The following SORCS2 variants were observed in gnomAD, a reference collection of about 807,000 sequenced individuals.
SORCS2 encodes the protein sortilin related VPS10 domain containing receptor 2, also known as VPS10 domain-containing receptor SorCS2.
In SORCS2, 100 loss-of-function variants were observed where a neutral mutation model predicts 141.6. The ratio of observed to expected loss-of-function variants is 0.71; its 90% CI spans 0.60 to 0.83. The LOEUF (loss-of-function observed/expected upper bound fraction) is 0.83. Ranked by LOEUF, SORCS2 falls within the 40% of genes least tolerant of loss-of-function variation. SORCS2 has a pLI of 0.00. For missense variants in SORCS2, 1,646 were observed against 1,560.2 expected, an observed-to-expected ratio of 1.05 and a Z score of -0.93; for synonymous variants, 789 against 676.9, an observed-to-expected ratio of 1.17 and a Z score of -2.57.
At chr4:7,392,685 C>T (rs977446213) in intron 1 of SORCS2, among the ~76,000 whole-genome samples, 2 of 149,044 alleles carry the variant, frequency 1.3e-5, no homozygotes, top group African/African-American at 2.5e-5. Flanking sequence ...GGTAGTGCAT[C>T]GGAGGAGCCC....
At chr4:7,387,803 T>C (rs55865564) in intron 1 of SORCS2, among the ~76,000 whole-genome samples, 9 of 47,168 alleles carry the variant, frequency 1.9e-4, no homozygotes, top group African/African-American at 8.7e-4. Flanking sequence ...CATGCTCACA[T>C]GCACACACAG....
intron 13 of SORCS2, 39 bp downstream of exon 13, chr4:7,703,410 C>T (rs1370479431): frequency 1.3e-6 from 2 of 1,555,786 alleles, no homozygotes; most frequent in East Asian, 4.6e-5. Flanking sequence ...GGAGGGCAGG[C>T]TGGGGCTCTT....
At chr4:7,520,507 T>C (rs573750362) in intron 2 of SORCS2, among the ~76,000 whole-genome samples, 2 of 152,272 alleles carry the variant, frequency 1.3e-5, no homozygotes, top group Non-Finnish European at 2.9e-5. Flanking sequence ...AGCTTCATTC[T>C]GGAACGATCT....
At chr4:7,561,905 A>T (rs989822563) in intron 3 of SORCS2, among the ~76,000 whole-genome samples, 13 of 151,830 alleles carry the variant, frequency 8.6e-5, no homozygotes, top group African/African-American at 2.7e-4. Flanking sequence ...CCATCAATCT[A>T]CTCATGCATC....
chr4:7,314,350 TA>T (rs1489638230), intron 1 of SORCS2, among the ~76,000 whole-genome samples: 6,355 of 100,862 alleles, frequency 0.063, 536 homozygotes, highest in African/African-American at 0.18. Context: ...TATTTTTTTT[TA>T]TTTTTTGAGA....
chr4:7,439,068 C>T (rs778062992), intron 2 of SORCS2, among the ~76,000 whole-genome samples: 2 of 152,106 alleles, frequency 1.3e-5, no homozygotes, highest in African/African-American at 4.8e-5. Flanking sequence ...AAACCAAGAT[C>T]TGGATATGAA....
chr4:7,737,279 C>G, intron 26 of SORCS2, 107 bp downstream of exon 26: 1 of 1,477,196 alleles, frequency 6.8e-7, no homozygotes, highest in Non-Finnish European at 9.0e-7. Flanking sequence ...CTGGGGCCAG[C>G]AAAACGCTGG....
intron 11 of SORCS2, among the ~76,000 whole-genome samples, chr4:7,693,624 C>A: frequency 6.6e-6 from 1 of 152,254 alleles, no homozygotes; most frequent in South Asian, 2.1e-4. Flanking sequence ...CCAGTGAACA[C>A]TTCTCCATCC....
chr4:7,562,152 A>G (rs981164345), intron 3 of SORCS2, among the ~76,000 whole-genome samples: 2 of 152,204 alleles, frequency 1.3e-5, no homozygotes, highest in East Asian at 1.9e-4. Flanking sequence ...ATTCATTATC[A>G]CTAGCTAGTA....
At chr4:7,502,821 C>T (rs949828160) in intron 2 of SORCS2, among the ~76,000 whole-genome samples, 4 of 152,242 alleles carry the variant, frequency 2.6e-5, no homozygotes, top group Admixed American at 6.5e-5. Context: ...GGCATGCCCA[C>T]TTCCACGCTG....
At chr4:7,608,198 C>G (rs1287066714) in intron 3 of SORCS2, among the ~76,000 whole-genome samples, 1 of 152,160 alleles carries the variant, frequency 6.6e-6, no homozygotes, top group Non-Finnish European at 1.5e-5. Context: ...TTCCTGCCTG[C>G]CATGCTCCCT....
intron 14 of SORCS2, among the ~76,000 whole-genome samples, chr4:7,705,015 C>T (rs1725330507): frequency 2.3e-5 from 1 of 42,598 alleles, no homozygotes; most frequent in African/African-American, 1.2e-4. Context: ...AATAGTGTGT[C>T]CCAAATTCCT....
chr4:7,593,861 C>T (rs761489135), intron 3 of SORCS2, among the ~76,000 whole-genome samples: 13 of 152,200 alleles, frequency 8.5e-5, no homozygotes, highest in South Asian at 2.1e-4. Context: ...CTGCCCCTCT[C>T]GGGAGCCCTG....
chr4:7,228,004 C>T (rs962218737), intron 1 of SORCS2, among the ~76,000 whole-genome samples: 1 of 152,176 alleles, frequency 6.6e-6, no homozygotes, highest in African/African-American at 2.4e-5. Context: ...AGCGGGAGCT[C>T]ATGGGTGGCA....
chr4:7,347,656 G>A (rs1156788501), intron 1 of SORCS2, among the ~76,000 whole-genome samples: 1 of 152,192 alleles, frequency 6.6e-6, no homozygotes, highest in Non-Finnish European at 1.5e-5. Flanking sequence ...GAGAGGTGAG[G>A]CATGCCATTC....
intron 3 of SORCS2, among the ~76,000 whole-genome samples, chr4:7,556,857 G>C: frequency 8.4e-6 from 1 of 119,728 alleles, no homozygotes; most frequent in East Asian, 2.4e-4. Flanking sequence ...CATCCATCCA[G>C]TCACCCACCA....
At chr4:7,248,937 C>T (rs901169261) in intron 1 of SORCS2, among the ~76,000 whole-genome samples, 2 of 152,156 alleles carry the variant, frequency 1.3e-5, no homozygotes, top group African/African-American at 4.8e-5. Flanking sequence ...TGGATTAGGC[C>T]AGCAGGGTTT....
intron 2 of SORCS2, chr4:7,430,295 C>T (rs1052825468): frequency 4.0e-5 from 6 of 151,438 alleles, no homozygotes; most frequent in African/African-American, 9.7e-5. Context: ...GAGAGAACAT[C>T]GTTGGGTATA....
chr4:7,637,213 C>T (rs938867701), intron 3 of SORCS2, among the ~76,000 whole-genome samples: 2 of 152,216 alleles, frequency 1.3e-5, no homozygotes, highest in African/African-American at 4.8e-5. Context: ...GGTCACTAAA[C>T]AACCCACTGT....
Sources: allele counts gnomAD v4.1 joint callset (sites outside exome capture counted in the v4.1 genomes callset), GRCh38; gene constraint gnomAD v4.1.1; transcripts MANE v1.5; gene names NCBI Gene and HGNC (gene_info 2026-07-23, HGNC 2026-07-21).